The following PIK3CA variants were observed in gnomAD, a reference collection of about 807,000 sequenced individuals.
PIK3CA encodes the protein phosphatidylinositol 4,5-bisphosphate 3-kinase catalytic subunit alpha isoform.
Under a neutral mutation model 138.2 loss-of-function variants are expected in PIK3CA, and 27 were observed. The ratio of observed to expected loss-of-function variants is 0.20; its 90% CI spans 0.14 to 0.27. The LOEUF is 0.27. Ranked by LOEUF, PIK3CA falls within the 10% of genes least tolerant of loss-of-function variation. The pLI, the probability that PIK3CA is intolerant of heterozygous loss-of-function variation, is 1.00. For synonymous variants in PIK3CA, 358 were observed against 413.2 expected, an observed-to-expected ratio of 0.87 and a Z score of 1.62; for missense variants, 544 against 1,277.4, an observed-to-expected ratio of 0.43 and a Z score of 8.75.
intron 1 of PIK3CA, among the ~76,000 whole-genome samples, chr3:179,158,870 C>T (rs74363659): frequency 1.6e-4 from 24 of 152,122 alleles, no homozygotes; most frequent in African/African-American, 5.8e-4. Context: ...ACTGTTGTTA[C>T]TACTTTATGT....
chr3:179,170,235 T>A (rs980857786), intron 1 of PIK3CA, among the ~76,000 whole-genome samples: 2 of 152,116 alleles, frequency 1.3e-5, no homozygotes, highest in African/African-American at 4.8e-5. Context: ...CAAGAAACAA[T>A]CAATAGCTAT....
chr3:179,157,641 T>C (rs2108352004), intron 1 of PIK3CA, among the ~76,000 whole-genome samples: 1 of 152,238 alleles, frequency 6.6e-6, no homozygotes, highest in Middle Eastern at 3.4e-3. Context: ...CTAATTTTTT[T>C]TACCAATCAA....
chr3:179,175,981 T>C (rs1376054595), intron 1 of PIK3CA, among the ~76,000 whole-genome samples: 1 of 152,214 alleles, frequency 6.6e-6, no homozygotes, highest in Non-Finnish European at 1.5e-5. Context: ...ATTGGTAAAC[T>C]ATGCTGTAGG....
chr3:179,223,987 G>A, intron 14 of PIK3CA, 94 bp from the exon 15 acceptor site: 1 of 700,266 alleles, frequency 1.4e-6, no homozygotes, highest in Non-Finnish European at 2.6e-6. Context: ...AGACTGTACA[G>A]TACTGAGGTT....
chr3:179,238,089 T>A lies in PIK3CA; in HGVS notation c.*3725T>A, dbSNP rs550590215. The A allele has an allele frequency of 2.3e-3, 520 of 225,472 alleles. 4 individuals are homozygous for A. Among genetic ancestry groups the A allele is most frequent in the South Asian group, 0.012 (68 of 5,442 alleles). 14.0% of individuals were successfully genotyped at this position (225,472 alleles called of 1,614,324 possible). A position where few individuals can be genotyped will look rare whatever the true frequency, so the allele number is the denominator to read the frequency against. On this transcript the variant is annotated 3_prime_UTR_variant, in exon 21 of 21. Coordinates refer to ENST00000263967, the MANE Select transcript of PIK3CA (RefSeq NM_006218.4). ...GGGAGGGGGCAGAACAGGGAGGAGT[T>A]GTTTGAATGAATTACATTCTTTATA...
intron 1 of PIK3CA, among the ~76,000 whole-genome samples, chr3:179,168,069 C>T (rs1296748921): frequency 2.0e-5 from 3 of 152,092 alleles, no homozygotes. Flanking sequence ...TATCTCAGGA[C>T]TGCTTTTTCT....
intron 9 of PIK3CA, among the ~76,000 whole-genome samples, chr3:179,216,087 G>T (rs1476807314): frequency 4.6e-5 from 7 of 152,146 alleles, no homozygotes; most frequent in African/African-American, 1.7e-4. Context: ...CCCTAGTTGA[G>T]AACCACTACT....
In PIK3CA at chr3:179,226,051, A is replaced by C. The variant is rs771575136; in HGVS notation, c.2495+11A>C. On this transcript the variant is annotated intron_variant, in intron 17 of 20. Coordinates refer to ENST00000263967, the MANE Select transcript of PIK3CA (RefSeq NM_006218.4). ...AGGTCTTGATCTTCGGTAGGTAACC[A>C]GTAAGGCAACCTGTATGTTGAAAGT... 1.4e-6 allele frequency: 2 copies of C among 1,464,768 alleles called. No homozygotes were observed. Among genetic ancestry groups the C allele is most frequent in the Non-Finnish European group, 1.9e-6 (2 of 1,045,556 alleles). The allele number at this position is 1,464,768 out of a possible 1,614,324, so 90.7% of individuals were successfully genotyped here.
At chr3:179,174,487 A>G (rs556222306) in intron 1 of PIK3CA, among the ~76,000 whole-genome samples, 50 of 152,052 alleles carry the variant, frequency 3.3e-4, no homozygotes, top group Non-Finnish European at 6.6e-4. Context: ...CAAACAAAAC[A>G]TCAGTTCATT....
At chr3:179,163,363 C>G (rs181556307) in intron 1 of PIK3CA, among the ~76,000 whole-genome samples, 1 of 152,094 alleles carries the variant, frequency 6.6e-6, no homozygotes, top group South Asian at 2.1e-4. Flanking sequence ...TCGTTCGACT[C>G]TCAAATAAGA....
intron 1 of PIK3CA, among the ~76,000 whole-genome samples, chr3:179,190,136 T>G (rs1225171492): frequency 1.3e-5 from 2 of 152,212 alleles, no homozygotes; most frequent in Admixed American, 6.5e-5. Flanking sequence ...TCTTGAGTGC[T>G]TTTGATTTTT....
Sources: allele counts gnomAD v4.1 joint callset (sites outside exome capture counted in the v4.1 genomes callset), GRCh38; gene constraint gnomAD v4.1.1; transcripts MANE v1.5; gene names NCBI Gene and HGNC (gene_info 2026-07-23, HGNC 2026-07-21).